The following CACNB2 variants were observed in gnomAD, a reference collection of about 807,000 sequenced individuals.
The protein encoded by CACNB2 is voltage-dependent L-type calcium channel subunit beta-2.
A neutral mutation model predicts 73.3 loss-of-function variants in CACNB2; 42 were observed. The ratio of observed to expected loss-of-function variants is 0.57; its 90% CI spans 0.45 to 0.74. The LOEUF is 0.74. Ranked by LOEUF, CACNB2 falls within the 30% of genes least tolerant of loss-of-function variation. CACNB2 has a pLI of 0.00. For synonymous variants in CACNB2, 348 were observed against 310.3 expected, an observed-to-expected ratio of 1.12 and a Z score of -1.28; for missense variants, 940 against 853.0, an observed-to-expected ratio of 1.10 and a Z score of -1.27.
chr10:18,392,138 C>T (rs1224217198), intron 2 of CACNB2, among the ~76,000 whole-genome samples: 1 of 151,764 alleles, frequency 6.6e-6, no homozygotes, highest in Non-Finnish European at 1.5e-5. Context: ...GTGTCTGGTA[C>T]CTCTGAGGAA....
chr10:18,305,350 G>T (rs1462975847), intron 2 of CACNB2, among the ~76,000 whole-genome samples: 1 of 152,190 alleles, frequency 6.6e-6, no homozygotes. Flanking sequence ...CCCTGAAGCA[G>T]ATCCTTTTTG....
At chr10:18,379,584 C>G (rs1450425564) in intron 2 of CACNB2, among the ~76,000 whole-genome samples, 2 of 152,160 alleles carry the variant, frequency 1.3e-5, no homozygotes, top group Non-Finnish European at 2.9e-5. Context: ...ACCATCACCA[C>G]TACCCATTTC....
intron 2 of CACNB2, among the ~76,000 whole-genome samples, chr10:18,331,469 A>G (rs1161311004): frequency 6.6e-6 from 1 of 151,784 alleles, no homozygotes; most frequent in Non-Finnish European, 1.5e-5. Flanking sequence ...AAAAAAAAAA[A>G]AAAGGATGGG....
chr10:18,231,638 C>T (rs950384865), intron 2 of CACNB2, among the ~76,000 whole-genome samples: 1 of 152,188 alleles, frequency 6.6e-6, no homozygotes, highest in African/African-American at 2.4e-5. Flanking sequence ...AGAAACTTGA[C>T]AGTACGGTAA....
intron 3 of CACNB2, 92 bp from the exon 4 acceptor site, chr10:18,498,263 T>C (rs760165154): frequency 1.4e-5 from 20 of 1,444,544 alleles, no homozygotes; most frequent in Non-Finnish European, 1.9e-5. Context: ...ATGATTACAG[T>C]AGTTATTCAG....
chr10:18,356,775 A>T (rs2041925251), intron 2 of CACNB2, among the ~76,000 whole-genome samples: 1 of 151,708 alleles, frequency 6.6e-6, no homozygotes, highest in Non-Finnish European at 1.5e-5. Flanking sequence ...AACCACAGGC[A>T]CATGCCACCA....
intron 3 of CACNB2, among the ~76,000 whole-genome samples, chr10:18,468,900 T>TTTTTCTAC (rs2048037417): frequency 6.6e-6 from 1 of 152,156 alleles, no homozygotes; most frequent in Non-Finnish European, 1.5e-5. Context: ...TGCCTGGCCA[T>TTTTTCTAC]GCATCTGAAT....
chr10:18,332,623 G>C (rs1309916166), intron 2 of CACNB2, among the ~76,000 whole-genome samples: 1 of 152,176 alleles, frequency 6.6e-6, no homozygotes, highest in Non-Finnish European at 1.5e-5. Context: ...GCAGGTCAGA[G>C]AAAGGCTGGG....
chr10:18,533,985 A>C, intron 10 of CACNB2, 91 bp from the exon 11 acceptor site: 1 of 1,199,722 alleles, frequency 8.3e-7, no homozygotes, highest in Non-Finnish European at 1.2e-6. Flanking sequence ...ATAATGGCTG[A>C]CCTACTCACC....
chr10:18,314,542 C>G (rs1033130372), intron 2 of CACNB2, among the ~76,000 whole-genome samples: 3 of 150,490 alleles, frequency 2.0e-5, no homozygotes, highest in African/African-American at 7.3e-5. Flanking sequence ...CATATTCAGA[C>G]AATTGAAATT....
chr10:18,198,735 G>T (rs1056085081), intron 2 of CACNB2, among the ~76,000 whole-genome samples: 3 of 152,016 alleles, frequency 2.0e-5, no homozygotes, highest in African/African-American at 7.3e-5. Context: ...TTACTTCCAC[G>T]CTTTCATTTC....
chr10:18,539,603 G>A lies in CACNB2; in HGVS notation c.1862G>A (p.Cys621Tyr), dbSNP rs767111767. ...GATCGAGAGCAGGACCACAACGAGTGCAACAAGCAGCGCAGCCGTCATAAA... is the reference window on the plus strand; with the variant it reads ...GATCGAGAGCAGGACCACAACGAGTACAACAAGCAGCGCAGCCGTCATAAA... ...DVDREQDHNE[C>Y]NKQRSRHKSK... Residue 621 changes from cysteine (C) to tyrosine (Y), a missense_variant, in exon 14 of 14, where the codon TGC becomes TAC. Cys to Tyr is a radical substitution (Grantham distance 194, BLOSUM62 -2). Coordinates refer to ENST00000324631, the MANE Select transcript of CACNB2 (RefSeq NM_201596.3). The A allele has an allele frequency of 2.5e-6, 4 of 1,613,754 alleles. No individual in the cohort carries two copies. The highest frequency in any genetic ancestry group is 2.2e-5 in the East Asian group (1 of 44,852).
chr10:18,360,000 C>G (rs1261015160), intron 2 of CACNB2, among the ~76,000 whole-genome samples: 2 of 152,120 alleles, frequency 1.3e-5, no homozygotes, highest in Non-Finnish European at 2.9e-5. Flanking sequence ...GAACTGGACT[C>G]TATACTGGGG....
intron 11 of CACNB2, among the ~76,000 whole-genome samples, chr10:18,535,542 G>A (rs1373823189): frequency 2.6e-5 from 4 of 152,114 alleles, no homozygotes; most frequent in Admixed American, 2.0e-4. Context: ...CTAGGCTGAG[G>A]TGGGAGGATC....
intron 3 of CACNB2, among the ~76,000 whole-genome samples, chr10:18,422,450 T>G (rs1411425615): frequency 6.6e-6 from 1 of 152,226 alleles, no homozygotes; most frequent in Non-Finnish European, 1.5e-5. Context: ...ATGAAATGTT[T>G]GCAGCAGCAG....
At chr10:18,154,015 T>C (rs1319800406) in intron 2 of CACNB2, among the ~76,000 whole-genome samples, 2 of 151,832 alleles carry the variant, frequency 1.3e-5, no homozygotes, top group Non-Finnish European at 2.9e-5. Flanking sequence ...ACATATATAA[T>C]TGGTATTACA....
intron 2 of CACNB2, among the ~76,000 whole-genome samples, chr10:18,228,449 A>AAAAAAAAAAAAG (rs1192682769): frequency 3.8e-5 from 4 of 104,660 alleles, no homozygotes; most frequent in African/African-American, 1.3e-4. Flanking sequence ...AAAAAAAAAA[A>AAAAAAAAAAAAG]GAAAAAAAAA....
intron 2 of CACNB2, among the ~76,000 whole-genome samples, chr10:18,358,053 A>C (rs1027125490): frequency 8.5e-5 from 13 of 152,188 alleles, no homozygotes; most frequent in Admixed American, 2.6e-4. Flanking sequence ...AATGGAAAGG[A>C]ATACGCAGAA....
At chr10:18,245,146 T>C (rs1235986982) in intron 2 of CACNB2, among the ~76,000 whole-genome samples, 1 of 151,888 alleles carries the variant, frequency 6.6e-6, no homozygotes, top group Non-Finnish European at 1.5e-5. Context: ...TGTGAGATAA[T>C]ACATTTGTAT....
Sources: allele counts gnomAD v4.1 joint callset (sites outside exome capture counted in the v4.1 genomes callset), GRCh38; gene constraint gnomAD v4.1.1; transcripts MANE v1.5; gene names NCBI Gene and HGNC (gene_info 2026-07-23, HGNC 2026-07-21).